TLN2: variants seen among roughly 807,000 people sequenced by gnomAD.
The protein encoded by TLN2 is talin-2.
In TLN2, 118 loss-of-function variants were observed where a neutral mutation model predicts 294.7. The observed-to-expected ratio is 0.40, with a 90% confidence interval of 0.34 to 0.47. TLN2 has a LOEUF of 0.47. TLN2 is among the 20% of genes least tolerant of loss of function. TLN2 has a pLI of 0.84. For missense variants in TLN2, 3,083 were observed against 3,282.2 expected (o/e 0.94, Z 1.48); for synonymous variants, 1,431 against 1,304.5 (o/e 1.10, Z -2.09).
At chr15:62,718,304 G>A (rs1463255150) in intron 24 of TLN2, among the ~76,000 whole-genome samples, 1 of 152,236 alleles carries the variant, frequency 6.6e-6, no homozygotes, top group African/African-American at 2.4e-5. Context: ...CAGACACAAA[G>A]TCCAGTTGCA....
chr15:62,692,694 T>C (rs1447954328), intron 12 of TLN2, 146 bp from the exon 13 acceptor site: 1 of 629,460 alleles, frequency 1.6e-6, no homozygotes, highest in Non-Finnish European at 2.8e-6. Flanking sequence ...TATTGTTGAA[T>C]AAATTTTAGG....
In TLN2 at chr15:62,742,823, C is replaced by G. The variant is rs143878855; in HGVS notation, c.4025+2054C>G. On this transcript the variant is annotated intron_variant, in intron 32 of 58. Coordinates refer to ENST00000636159, the MANE Select transcript of TLN2 (RefSeq NM_015059.3). ...TTTGGCACATTTTGGCAAGCTTCTG[C>G]TCCCTGGGGCTGTTTCTCAGCAGAG... Among the ~76,000 whole-genome samples, 1,118 of 152,264 alleles carry G rather than the reference C, an allele frequency of 7.3e-3. 5 individuals carry two copies. The highest frequency in any genetic ancestry group is 0.01 in the Middle Eastern group (3 of 294).
chr15:62,745,808 G>A (rs377350884), intron 32 of TLN2, among the ~76,000 whole-genome samples: 5 of 152,102 alleles, frequency 3.3e-5, no homozygotes, highest in Non-Finnish European at 5.9e-5. Context: ...TTACATAACC[G>A]TTTGCCTCTG....
chr15:62,407,294 G>T (rs2033463891), intron 1 of TLN2, among the ~76,000 whole-genome samples: 2 of 152,152 alleles, frequency 1.3e-5, no homozygotes, highest in African/African-American at 4.8e-5. Flanking sequence ...TAGTAGATAA[G>T]TTTGACTGAA....
intron 1 of TLN2, among the ~76,000 whole-genome samples, chr15:62,404,519 A>G: frequency 6.6e-6 from 1 of 152,118 alleles, no homozygotes; most frequent in East Asian, 1.9e-4. Flanking sequence ...CTGCTTTCAG[A>G]CACCCAGGTT....
chr15:62,613,220 T>C (rs1392278554), intron 2 of TLN2, among the ~76,000 whole-genome samples: 1 of 152,248 alleles, frequency 6.6e-6, no homozygotes, highest in Non-Finnish European at 1.5e-5. Flanking sequence ...GAATCAGGCA[T>C]ATGGTAAATA....
chr15:62,671,274 T>C (rs550509965), intron 9 of TLN2, among the ~76,000 whole-genome samples: 4 of 152,240 alleles, frequency 2.6e-5, no homozygotes, highest in Non-Finnish European at 5.9e-5. Flanking sequence ...TTTAAAAGTT[T>C]ATAATTTTGA....
intron 9 of TLN2, among the ~76,000 whole-genome samples, chr15:62,669,307 G>A (rs565546456): frequency 1.3e-5 from 2 of 152,180 alleles, no homozygotes; most frequent in Non-Finnish European, 2.9e-5. Flanking sequence ...GCAACAAATT[G>A]GAGAACAAAT....
At position 62,809,939 on chromosome 15, in the gene TLN2, C is replaced by A; in HGVS notation, c.6678C>A (p.His2226Gln). The change falls in exon 52 of 59, where the codon CAC becomes CAA. Residue 2226 changes from histidine (H) to glutamine (Q), a missense_variant. Physicochemically the swap from His to Gln is conservative, Grantham distance 24. Transcript: ENST00000636159. Reference sequence around the variant, plus strand: ...TCTCTCTCCAGCAAGCATCCTTCCACCCCGATGTCAGTGACGAGGTGAGAA... The same window carrying A: ...TCTCTCTCCAGCAAGCATCCTTCCAACCCGATGTCAGTGACGAGGTGAGAA... The part of the protein sequence containing the change: ...MLTACKQASF[H>Q]PDVSDEVRTR... 6.2e-7 allele frequency: 1 copy of A among 1,614,152 alleles called. No homozygotes were observed. The highest frequency in any genetic ancestry group is 1.1e-5 in the South Asian group (1 of 91,070).
chr15:62,685,320 C>T (rs1266689676), intron 11 of TLN2, among the ~76,000 whole-genome samples: 1 of 152,002 alleles, frequency 6.6e-6, no homozygotes, highest in African/African-American at 2.4e-5. Context: ...ATTTATGTAT[C>T]AAGTCCTGTG....
intron 1 of TLN2, among the ~76,000 whole-genome samples, chr15:62,533,912 G>A (rs950733524): frequency 6.6e-5 from 10 of 152,194 alleles, no homozygotes; most frequent in Admixed American, 6.5e-4. Flanking sequence ...ATTGGCTGCT[G>A]TTTGCTTATG....
intron 7 of TLN2, 51 bp from the exon 8 acceptor site, chr15:62,655,893 A>G: frequency 8.7e-6 from 14 of 1,604,524 alleles, no homozygotes; most frequent in Non-Finnish European, 1.2e-5. Flanking sequence ...ATTCCCTTTA[A>G]TTAACAGGAA....
In TLN2 at chr15:62,652,029, CAG is replaced by C; in HGVS notation, c.263_264del (p.Arg88ThrfsTer18). 6.2e-7 allele frequency: 1 copy of C among 1,610,864 alleles called. No homozygotes were observed. Among genetic ancestry groups the C allele is most frequent in the Non-Finnish European group, 8.5e-7 (1 of 1,178,076 alleles). ...NGDILEYKKK[Q>X]RPQKIRMLDG... is the part of the protein sequence containing the mutation. ...GGATATTTTGGAATATAAAAAGAAACAGAGACCTCAGAAAATCCGGATGCTGG... is the reference window on the plus strand; with the variant it reads ...GGATATTTTGGAATATAAAAAGAAACAGACCTCAGAAAATCCGGATGCTGG... On this transcript the variant is annotated frameshift_variant, in exon 6 of 59. Coordinates refer to ENST00000636159, the MANE Select transcript of TLN2 (RefSeq NM_015059.3). LOFTEE classifies it high-confidence loss of function.
intron 41 of TLN2, among the ~76,000 whole-genome samples, chr15:62,769,553 G>T (rs2063223195): frequency 6.6e-6 from 1 of 152,202 alleles, no homozygotes. Context: ...AAATAACAAT[G>T]TAAAAATAAG....
In TLN2 at chr15:62,586,592, A is replaced by G. The variant is rs544486913; in HGVS notation, c.-237-3095A>G. Among the ~76,000 whole-genome samples the G allele has an allele frequency of 4.6e-5, 7 of 152,370 alleles. 1 individual carries two copies. The South Asian group carries it at 1.2e-3, about 27-fold the overall frequency. On this transcript the variant is annotated intron_variant, in intron 1 of 58. Coordinates refer to ENST00000636159, the MANE Select transcript of TLN2 (RefSeq NM_015059.3). ...GAGATAAAGTTAACGTTATGGGCCC[A>G]TTATGGGGATACATTTCTGTATTTT...
intron 12 of TLN2, among the ~76,000 whole-genome samples, chr15:62,692,175 G>A (rs1050780147): frequency 2.6e-5 from 4 of 152,290 alleles, no homozygotes; most frequent in African/African-American, 7.2e-5. Flanking sequence ...TGGTTCTGTC[G>A]ATGAAGGCAG....
intron 1 of TLN2, among the ~76,000 whole-genome samples, chr15:62,482,843 G>C (rs921529303): frequency 2.0e-5 from 3 of 152,128 alleles, no homozygotes; most frequent in African/African-American, 7.2e-5. Flanking sequence ...CAGCCTTCGT[G>C]GCCTCATTGT....
At chr15:62,588,648 T>C (rs1217661135) in intron 1 of TLN2, among the ~76,000 whole-genome samples, 3 of 132,560 alleles carry the variant, frequency 2.3e-5, no homozygotes, top group African/African-American at 8.2e-5. Flanking sequence ...AAAATACATA[T>C]ATATATACAT....
intron 1 of TLN2, among the ~76,000 whole-genome samples, chr15:62,587,988 C>A (rs1203552214): frequency 6.6e-6 from 1 of 152,028 alleles, no homozygotes; most frequent in African/African-American, 2.4e-5. Flanking sequence ...TCACACTATT[C>A]TCCTGCCTCA....
Sources: gnomAD v4.1 joint callset for allele counts (sites outside exome capture counted in the v4.1 genomes callset) on GRCh38, gnomAD v4.1.1 for gene constraint, MANE v1.5 for transcripts, NCBI Gene and HGNC (gene_info 2026-07-23, HGNC 2026-07-21) for gene names.